Variants in BBX observed in about 807,000 individuals in gnomAD.
BBX encodes BBX high mobility group box domain containing.
In BBX, 30 loss-of-function variants were observed where a neutral mutation model predicts 100.2. That is an observed-to-expected ratio of 0.30 (90% CI 0.22 to 0.41). The LOEUF is 0.41. BBX is among the 10% of genes least tolerant of loss of function. The pLI is 1.00. For synonymous variants in BBX, 376 were observed against 388.1 expected, an observed-to-expected ratio of 0.97 and a Z score of 0.37; for missense variants, 1,023 against 1,129.8, an observed-to-expected ratio of 0.91 and a Z score of 1.35.
At chr3:107,673,579 G>C (rs1409549254) in intron 3 of BBX, among the ~76,000 whole-genome samples, 14 of 151,984 alleles carry the variant, frequency 9.2e-5, no homozygotes, top group Admixed American at 9.2e-4. Context: ...AACATTCTAA[G>C]ACTCTCAAAG....
In BBX at chr3:107,716,919, T is replaced by C. The variant is rs1276912862; in HGVS notation, c.405+70T>C. On this transcript the variant is annotated intron_variant, in intron 5 of 17. Coordinates refer to ENST00000325805, the MANE Select transcript of BBX (RefSeq NM_001142568.3). ...TCCTGAAACTCCCAGTCAACAAATA[T>C]GAAGCACCTGTTGAAGGTCTAGCAA... The C allele has an allele frequency of 3.9e-6, 6 of 1,550,724 alleles. No homozygotes were observed. In the Admixed American group the frequency reaches 1.1e-4, roughly 28 times the overall value.
In BBX at chr3:107,689,930, G is replaced by A. The variant is rs1008285823; in HGVS notation, c.-9-20522G>A. ...AAGATTATGTAAATCTCTCTGAGGC[G>A]CCTCTCAAATGGGCATAATTTTACC... On this transcript the variant is annotated intron_variant, in intron 3 of 17. Coordinates refer to ENST00000325805, the MANE Select transcript of BBX (RefSeq NM_001142568.3). 3.9e-5 allele frequency among the ~76,000 whole-genome samples: 6 copies of A among 152,198 alleles called. No homozygotes were observed. In the East Asian group the frequency reaches 7.7e-4, roughly 20 times the overall value.
At chr3:107,655,551 T>G in intron 3 of BBX, among the ~76,000 whole-genome samples, 1 of 147,660 alleles carries the variant, frequency 6.8e-6, no homozygotes, top group African/African-American at 2.5e-5. Context: ...TAAGGGCTCA[T>G]TCTGTTTCCC....
intron 2 of BBX, among the ~76,000 whole-genome samples, chr3:107,528,170 A>T (rs1384408642): frequency 2.6e-5 from 4 of 152,220 alleles, no homozygotes. Flanking sequence ...TTGACAATGA[A>T]TTGCCAGTTA....
chr3:107,629,443 G>A (rs906477114), intron 2 of BBX, among the ~76,000 whole-genome samples: 2 of 152,292 alleles, frequency 1.3e-5, no homozygotes, highest in South Asian at 4.1e-4. Flanking sequence ...ATGATGTTGA[G>A]CACCATTGTG....
At chr3:107,710,672 T>C in intron 4 of BBX, 50 bp downstream of exon 4, 1 of 1,477,930 alleles carries the variant, frequency 6.8e-7, no homozygotes, top group Non-Finnish European at 9.1e-7. Context: ...GAGCAAATCA[T>C]AATCTAGAAA....
chr3:107,577,223 TTATTAA>T (rs2051855842), intron 2 of BBX, among the ~76,000 whole-genome samples: 1 of 152,166 alleles, frequency 6.6e-6, no homozygotes, highest in South Asian at 2.1e-4. Context: ...ATGAATCTCA[TTATTAA>T]AACACTGAAA....
At chr3:107,792,604 C>G (rs1420866560) in intron 15 of BBX, among the ~76,000 whole-genome samples, 1 of 152,222 alleles carries the variant, frequency 6.6e-6, no homozygotes, top group Admixed American at 6.5e-5. Context: ...CATCTATTAT[C>G]TCACTTGTTG....
At chr3:107,622,571 G>C (rs946129815) in intron 2 of BBX, among the ~76,000 whole-genome samples, 3 of 152,040 alleles carry the variant, frequency 2.0e-5, no homozygotes, top group Admixed American at 2.0e-4. Flanking sequence ...CTTTTCAACA[G>C]CATTTACCTT....
intron 2 of BBX, among the ~76,000 whole-genome samples, chr3:107,644,309 A>T (rs2057395781): frequency 6.6e-6 from 1 of 152,180 alleles, no homozygotes; most frequent in Non-Finnish European, 1.5e-5. Flanking sequence ...TGAAACTCAC[A>T]CTGTCAAAAT....
chr3:107,613,941 G>GTTTTT (rs533672871), intron 2 of BBX, among the ~76,000 whole-genome samples: 11 of 86,586 alleles, frequency 1.3e-4, no homozygotes, highest in Non-Finnish European at 1.7e-4. Flanking sequence ...ACATACCATG[G>GTTTTT]TTTTTTTTTT....
At chr3:107,683,696 A>G (rs1173026488) in intron 3 of BBX, among the ~76,000 whole-genome samples, 1 of 152,178 alleles carries the variant, frequency 6.6e-6, no homozygotes, top group East Asian at 1.9e-4. Flanking sequence ...GATGCGTCCC[A>G]AAAGTTAGAT....
chr3:107,618,211 C>T (rs1319709946), intron 2 of BBX, among the ~76,000 whole-genome samples: 2 of 151,794 alleles, frequency 1.3e-5, no homozygotes, highest in African/African-American at 4.8e-5. Context: ...CCTTGTATTC[C>T]TGAAATAAAT....
At chr3:107,563,673 A>G (rs902487449) in intron 2 of BBX, among the ~76,000 whole-genome samples, 1 of 152,232 alleles carries the variant, frequency 6.6e-6, no homozygotes, top group African/African-American at 2.4e-5. Flanking sequence ...AAATTATTTT[A>G]AAGTAAAATA....
intron 3 of BBX, among the ~76,000 whole-genome samples, chr3:107,693,405 C>T (rs1431080355): frequency 2.0e-5 from 3 of 151,630 alleles, no homozygotes; most frequent in African/African-American, 4.9e-5. Flanking sequence ...CCAGTTTCAG[C>T]TTTCTACATA....
intron 3 of BBX, among the ~76,000 whole-genome samples, chr3:107,648,217 T>C (rs1181801075): frequency 1.3e-5 from 2 of 152,194 alleles, no homozygotes; most frequent in African/African-American, 4.8e-5. Flanking sequence ...TGTTGTTATA[T>C]GGAATATTGT....
intron 2 of BBX, among the ~76,000 whole-genome samples, chr3:107,556,113 A>C (rs1406745183): frequency 1.3e-5 from 2 of 152,126 alleles, no homozygotes; most frequent in Non-Finnish European, 2.9e-5. Context: ...GCCGTGGCTC[A>C]GGGATCTGCT....
intron 2 of BBX, among the ~76,000 whole-genome samples, chr3:107,599,977 C>T (rs1211069494): frequency 1.3e-5 from 2 of 152,142 alleles, no homozygotes; most frequent in Non-Finnish European, 2.9e-5. Flanking sequence ...GCTTTTTGCA[C>T]TGACAGATGG....
chr3:107,608,489 G>A (rs1010550549), intron 2 of BBX, among the ~76,000 whole-genome samples: 28 of 152,278 alleles, frequency 1.8e-4, no homozygotes, highest in African/African-American at 6.3e-4. Flanking sequence ...TTTGAAGTCA[G>A]TTAAGGTGAT....
Sources: gnomAD v4.1 joint callset for allele counts (sites outside exome capture counted in the v4.1 genomes callset) on GRCh38, gnomAD v4.1.1 for gene constraint, MANE v1.5 for transcripts, NCBI Gene and HGNC (gene_info 2026-07-23, HGNC 2026-07-21) for gene names.